Variants in CASQ2 observed in about 807,000 individuals in gnomAD.
CASQ2 encodes the protein calsequestrin 2.
Under a neutral mutation model 46.5 loss-of-function variants are expected in CASQ2, and 49 were observed. The observed-to-expected ratio is 1.05, with a 90% CI of 0.84 to 1.34. The LOEUF (loss-of-function observed/expected upper bound fraction) is 1.34. Ranked by LOEUF, CASQ2 falls within the 40% of genes most tolerant of loss-of-function variation. CASQ2 has a pLI of 0.00. For missense variants in CASQ2, 486 were observed against 481.3 expected, an observed-to-expected ratio of 1.01 and a Z score of -0.09; for synonymous variants, 174 against 168.5, an observed-to-expected ratio of 1.03 and a Z score of -0.25.
chr1:115,719,507 C>T (rs184509380), intron 7 of CASQ2, among the ~76,000 whole-genome samples: 29 of 152,294 alleles, frequency 1.9e-4, no homozygotes, highest in African/African-American at 6.3e-4. Context: ...TTCTAGAAGG[C>T]TGCTCATAAT....
In CASQ2 at chr1:115,761,581, A is replaced by G. The variant is rs116349105; in HGVS notation, c.234+6727T>C. ...TCAATGATGATGCTGGGCACATTGCAAAGCCTGAAGAGGCTACAGTCACTC... is the reference window on the plus strand; with the variant it reads ...TCAATGATGATGCTGGGCACATTGCGAAGCCTGAAGAGGCTACAGTCACTC... On this transcript the variant is annotated intron_variant, in intron 1 of 10. Coordinates refer to ENST00000261448, the MANE Select transcript of CASQ2 (RefSeq NM_001232.4). 1.6e-3 allele frequency among the ~76,000 whole-genome samples: 244 copies of G among 150,554 alleles called. 1 individual carries two copies. Among genetic ancestry groups the G allele is most frequent in the African/African-American group, 5.9e-3 (240 of 40,850 alleles).
chr1:115,763,706 A>G (rs9428089), intron 1 of CASQ2, among the ~76,000 whole-genome samples: 149,683 of 152,344 alleles, frequency 0.98, 73,590 homozygotes, highest in East Asian at 1. Flanking sequence ...AAACAAGGAA[A>G]CCAGGTCTAT....
At chr1:115,740,329 G>C (rs1217058240) in intron 3 of CASQ2, among the ~76,000 whole-genome samples, 3 of 152,140 alleles carry the variant, frequency 2.0e-5, no homozygotes, top group African/African-American at 7.2e-5. Flanking sequence ...TTGCTCTGAG[G>C]GTGGCTAACT....
intron 4 of CASQ2, among the ~76,000 whole-genome samples, chr1:115,734,683 G>T (rs1647897664): frequency 6.6e-6 from 1 of 152,150 alleles, no homozygotes; most frequent in Non-Finnish European, 1.5e-5. Context: ...TTCTGGAATA[G>T]GCTCCTGAAC....
At chr1:115,738,170 C>T in intron 4 of CASQ2, 54 bp downstream of exon 4, 1 of 1,091,806 alleles carries the variant, frequency 9.2e-7, no homozygotes, top group Non-Finnish European at 1.4e-6. Context: ...CCTGACATAC[C>T]TTGTTTGGAA....
chr1:115,727,232 G>A (rs367556907), intron 5 of CASQ2, 110 bp from the exon 6 acceptor site: 7 of 846,198 alleles, frequency 8.3e-6, no homozygotes, highest in East Asian at 2.6e-5. Flanking sequence ...CATAAAAACA[G>A]ATGTACAGTT....
chr1:115,726,948 CCCCAGACCCCAGG>C, intron 6 of CASQ2, 31 bp downstream of exon 6: 179 of 641,118 alleles, frequency 2.8e-4, no homozygotes, highest in Middle Eastern at 4.9e-4. Context: ...CCTCTCCATT[CCCCAGACCCCAGG>C]CCCCCAGCCC....
chr1:115,718,818 G>T (rs1216506493), intron 7 of CASQ2, among the ~76,000 whole-genome samples: 1 of 152,184 alleles, frequency 6.6e-6, no homozygotes, highest in Non-Finnish European at 1.5e-5. Context: ...CCTTTGCAAT[G>T]ATTATTCCTG....
intron 5 of CASQ2, among the ~76,000 whole-genome samples, chr1:115,731,663 T>C (rs1647788572): frequency 6.6e-6 from 1 of 152,214 alleles, no homozygotes; most frequent in African/African-American, 2.4e-5. Context: ...AGCATTGACT[T>C]TGAAGTCAGG....
At chr1:115,709,068 C>T (rs72703613) in intron 8 of CASQ2, among the ~76,000 whole-genome samples, 69 of 152,346 alleles carry the variant, frequency 4.5e-4, no homozygotes, top group Non-Finnish European at 8.5e-4. Flanking sequence ...AGGCTCTCCC[C>T]TCTTCAGACA....
At chr1:115,701,507 T>C (rs1188902954) in intron 10 of CASQ2, 81 bp from the exon 11 acceptor site, 4 of 894,226 alleles carry the variant, frequency 4.5e-6, no homozygotes, top group South Asian at 2.7e-5. Flanking sequence ...TGAATAGCTA[T>C]GCTGAGTGCC....
At chr1:115,748,949 T>C (rs1407523693) in intron 1 of CASQ2, among the ~76,000 whole-genome samples, 2 of 152,140 alleles carry the variant, frequency 1.3e-5, no homozygotes. Flanking sequence ...CTCAGCACAA[T>C]ACAGTAGAAA....
chr1:115,739,910 C>T (rs1163085264), intron 3 of CASQ2, among the ~76,000 whole-genome samples: 1 of 152,228 alleles, frequency 6.6e-6, no homozygotes, highest in Non-Finnish European at 1.5e-5. Context: ...TGTTCTGTCA[C>T]CCCTCTCAAC....
intron 8 of CASQ2, among the ~76,000 whole-genome samples, chr1:115,716,445 G>A (rs575164101): frequency 5.3e-5 from 8 of 152,276 alleles, no homozygotes; most frequent in African/African-American, 1.9e-4. Context: ...ATGGATTAAA[G>A]TATACATTTA....
chr1:115,761,482 A>G lies in CASQ2; in HGVS notation c.234+6826T>C, dbSNP rs376449490. Among the ~76,000 whole-genome samples, 140 of 18,534 alleles carry G rather than the reference A, an allele frequency of 7.6e-3. 2 individuals carry two copies. The highest frequency in any genetic ancestry group is 0.019 in the East Asian group (10 of 524). 12.2% of individuals were successfully genotyped at this position (18,534 alleles called of 152,430 possible). A position where few individuals can be genotyped will look rare whatever the true frequency, so the allele number is the denominator to read the frequency against. ...GAAGAAGGAGAAGAAGAAGAAGAAG[A>G]AGAAGGAGAAGAAGGAGAAGAAGAA... On this transcript the variant is annotated intron_variant, in intron 1 of 10. Transcript: ENST00000261448.
At chr1:115,736,109 GC>G (rs551581906) in intron 4 of CASQ2, among the ~76,000 whole-genome samples, 240 of 150,236 alleles carry the variant, frequency 1.6e-3, no homozygotes, top group African/African-American at 5.6e-3. Context: ...GTTGCAGTGA[GC>G]CGAGATTGCA....
chr1:115,763,617 A>G (rs535749793), intron 1 of CASQ2, among the ~76,000 whole-genome samples: 1 of 152,274 alleles, frequency 6.6e-6, no homozygotes, highest in South Asian at 2.1e-4. Flanking sequence ...TTTGTTAAGT[A>G]TCTTCTGTGT....
chr1:115,739,925 T>C (rs1279772548), intron 3 of CASQ2, among the ~76,000 whole-genome samples: 1 of 152,210 alleles, frequency 6.6e-6, no homozygotes, highest in Non-Finnish European at 1.5e-5. Context: ...CTCAACTTTT[T>C]TAGGGCATGT....
chr1:115,732,462 T>A (rs1382489984), intron 5 of CASQ2, among the ~76,000 whole-genome samples: 1 of 152,184 alleles, frequency 6.6e-6, no homozygotes, highest in Non-Finnish European at 1.5e-5. Context: ...ACTGACTTCC[T>A]CTTGTTTTTC....
Sources: gnomAD v4.1 joint callset for allele counts (sites outside exome capture counted in the v4.1 genomes callset) on GRCh38, gnomAD v4.1.1 for gene constraint, MANE v1.5 for transcripts, NCBI Gene and HGNC (gene_info 2026-07-23, HGNC 2026-07-21) for gene names.